RGS3: variants seen among roughly 807,000 people sequenced by gnomAD.
The protein encoded by RGS3 is regulator of G protein signaling 3.
Under a neutral mutation model 132.6 loss-of-function variants are expected in RGS3, and 80 were observed. The observed-to-expected ratio is 0.60, with a 90% CI of 0.50 to 0.73. The LOEUF is 0.73. Among genes scored for constraint, RGS3 ranks in the 30% least tolerant of loss-of-function variants. RGS3 has a pLI of 0.00. For synonymous variants in RGS3, 598 were observed against 620.6 expected, an observed-to-expected ratio of 0.96 and a Z score of 0.54; for missense variants, 1,382 against 1,530.8, an observed-to-expected ratio of 0.90 and a Z score of 1.62.
intron 7 of RGS3, among the ~76,000 whole-genome samples, chr9:113,493,419 G>A (rs1830585459): frequency 6.6e-6 from 1 of 152,222 alleles, no homozygotes; most frequent in Non-Finnish European, 1.5e-5. Flanking sequence ...GTGATGAACT[G>A]AGAGCAGCTG....
At chr9:113,592,090 C>T (rs945783680) in intron 21 of RGS3, 1 of 152,416 alleles carries the variant, frequency 6.6e-6, no homozygotes, top group African/African-American at 2.4e-5. Flanking sequence ...GCACCCACCA[C>T]TAGGCAGGAA....
At chr9:113,572,874 C>T (rs888670132) in intron 19 of RGS3, among the ~76,000 whole-genome samples, 1 of 152,360 alleles carries the variant, frequency 6.6e-6, no homozygotes, top group East Asian at 1.9e-4. Context: ...AGTTTCCCCC[C>T]CTGAAACCTG....
At chr9:113,564,553 TGGGGACCCTCTCCTCCCAGTCCA>T (rs928951424) in intron 19 of RGS3, among the ~76,000 whole-genome samples, 3 of 152,178 alleles carry the variant, frequency 2.0e-5, no homozygotes, top group Non-Finnish European at 4.4e-5. Context: ...GAACTGGAGC[TGGGGACCCTCTCCTCCCAGTCCA>T]GGGCTTGTTC....
chr9:113,537,306 C>T lies in RGS3; in HGVS notation c.2037+388C>T, dbSNP rs572646052. ...ACTGGTGTTTAACATTGGCCCCAGG[C>T]GGATGCGATAGAGGGGATGTTTGCG... On this transcript the variant is annotated intron_variant, in intron 19 of 24. Coordinates refer to ENST00000350696, the Ensembl canonical transcript of RGS3. The surrounding 1 kb of genome is among the most constrained non-coding windows in gnomAD (Gnocchi z 4.3). Among the ~76,000 whole-genome samples, 15 of 152,268 alleles carry T rather than the reference C, an allele frequency of 9.9e-5. No homozygotes were observed. In the South Asian group the frequency reaches 2.9e-3, roughly 29 times the overall value.
Position 113,565,429 on chromosome 9 carries a change from G to A in RGS3, c.2038-18021G>A. 7.9e-7 allele frequency: 1 copy of A among 1,257,968 alleles called. No homozygotes were observed. The highest frequency in any genetic ancestry group is 1.0e-6 in the Non-Finnish European group (1 of 960,022). The allele number at this position is 1,257,968 out of a possible 1,614,324, so 77.9% of individuals were successfully genotyped here. ...GGACAAGTAGGAGGAGGAGGAAGAGGAGGAGGGACGGGTGATGCAAGGGTT... is the reference window on the plus strand; with the variant it reads ...GGACAAGTAGGAGGAGGAGGAAGAGAAGGAGGGACGGGTGATGCAAGGGTT... On this transcript the variant is annotated intron_variant, in intron 19 of 24. Coordinates refer to ENST00000350696, the Ensembl canonical transcript of RGS3. This position sits in a 1 kb window ranked among gnomAD's most constrained non-coding sequence, Gnocchi z 5.7.
At chr9:113,479,947 A>G (rs1366684819) in intron 4 of RGS3, among the ~76,000 whole-genome samples, 1 of 152,146 alleles carries the variant, frequency 6.6e-6, no homozygotes, top group Non-Finnish European at 1.5e-5. Flanking sequence ...TATCATGGTT[A>G]AGATCATAGT....
chr9:113,529,172 G>A (rs1417954123), intron 17 of RGS3, 49 bp from the exon 16 acceptor site: 16 of 1,467,838 alleles, frequency 1.1e-5, no homozygotes, highest in Admixed American at 3.3e-5. Context: ...AAACTGCTGA[G>A]GCTCTTTATC....
intron 19 of RGS3, among the ~76,000 whole-genome samples, chr9:113,542,474 G>A (rs1832942142): frequency 6.6e-6 from 1 of 152,194 alleles, no homozygotes; most frequent in Non-Finnish European, 1.5e-5. Flanking sequence ...GGCTCGTTCA[G>A]TTCTCTAGGT....
At chr9:113,500,932 C>A (rs1290441249) in intron 10 of RGS3, among the ~76,000 whole-genome samples, 1 of 152,144 alleles carries the variant, frequency 6.6e-6, no homozygotes, top group Non-Finnish European at 1.5e-5. Flanking sequence ...CCAAGTGATC[C>A]ATCTGCCTTG....
intron 1 of RGS3, among the ~76,000 whole-genome samples, chr9:113,460,728 C>G (rs1243462623): frequency 6.6e-6 from 1 of 151,786 alleles, no homozygotes. Flanking sequence ...TACAAGTTCC[C>G]TTTGTTATTA....
chr9:113,526,912 G>GGGT (rs1254774257), intron 17 of RGS3, among the ~76,000 whole-genome samples: 1 of 152,206 alleles, frequency 6.6e-6, no homozygotes, highest in Non-Finnish European at 1.5e-5. Flanking sequence ...TCTAGAAGGG[G>GGGT]CAGAATTTCT....
In RGS3 at chr9:113,502,071, C is replaced by T. The variant is rs139378856; in HGVS notation, c.898-3371C>T. ...GATCGGGTGTTTTCGTGTATATGTA[C>T]ATATGTATAACTTTCCTCTCCCCTA... is the stretch of plus-strand genomic sequence containing the variant. On this transcript the variant is annotated intron_variant, in intron 10 of 24. Transcript: ENST00000350696. Among the ~76,000 whole-genome samples the T allele has an allele frequency of 2.9e-3, 441 of 152,308 alleles. 1 individual carries two copies. Among genetic ancestry groups the T allele is most frequent in the Non-Finnish European group, 4.0e-3 (272 of 68,036 alleles).
In RGS3 at chr9:113,587,817, C is replaced by T. The variant is rs112319589; in HGVS notation, c.3015+3390C>T. On this transcript the variant is annotated intron_variant, in intron 20 of 24. Transcript: ENST00000350696. ...CCAGAGAGGGAGAGCCCCCTGCCCC[C>T]ACTCCCCGCCATGGTTCTCCAGCTG... Among the ~76,000 whole-genome samples, 491 of 152,328 alleles carry T rather than the reference C, an allele frequency of 3.2e-3. 3 individuals are homozygous for T. The highest frequency in any genetic ancestry group is 0.011 in the African/African-American group (467 of 41,554).
chr9:113,553,270 C>T (rs1833413349), intron 19 of RGS3, among the ~76,000 whole-genome samples: 1 of 148,484 alleles, frequency 6.7e-6, no homozygotes, highest in African/African-American at 2.5e-5. Flanking sequence ...AGTGAGACCC[C>T]ATCGCTACAA....
intron 19 of RGS3, among the ~76,000 whole-genome samples, chr9:113,553,244 C>G (rs1833412021): frequency 6.7e-6 from 1 of 149,948 alleles, no homozygotes; most frequent in African/African-American, 2.5e-5. Flanking sequence ...GAGTTGAAGA[C>G]AAGCCTAGGC....
At chr9:113,484,000 G>A (rs191958894) in intron 5 of RGS3, 138 bp from the exon 4 acceptor site, 84 of 528,182 alleles carry the variant, frequency 1.6e-4, no homozygotes, top group African/African-American at 1.5e-3. Context: ...CATCTGACAG[G>A]GGACTCTATT....
At chr9:113,583,535 A>G (rs573280446) in exon 20 of RGS3, 3 of 1,614,204 alleles carry the variant, frequency 1.9e-6, no homozygotes, top group South Asian at 1.1e-5. Flanking sequence ...CCACCCAGCA[A>G]GGAGCCCTCT....
At chr9:113,520,086 A>G (rs760975381) in intron 16 of RGS3, among the ~76,000 whole-genome samples, 4 of 152,230 alleles carry the variant, frequency 2.6e-5, no homozygotes, top group Admixed American at 2.6e-4. Context: ...CCACCCTCCA[A>G]GTGGTAAGGA....
At chr9:113,540,433 G>A (rs1195174509) in intron 19 of RGS3, among the ~76,000 whole-genome samples, 2 of 152,204 alleles carry the variant, frequency 1.3e-5, no homozygotes, top group Non-Finnish European at 2.9e-5. Context: ...CTCCTAATAG[G>A]AGAGAGATGA....
Sources: gnomAD v4.1 joint callset for allele counts (sites outside exome capture counted in the v4.1 genomes callset) on GRCh38, gnomAD v4.1.1 for gene constraint, Gnocchi (gnomAD v3.1) non-coding constraint, MANE v1.5 for transcripts, NCBI Gene and HGNC (gene_info 2026-07-23, HGNC 2026-07-21) for gene names.